PIK3R6: variants seen among roughly 807,000 people sequenced by gnomAD.
PIK3R6 encodes phosphoinositide-3-kinase regulatory subunit 6, also known as phosphoinositide 3-kinase regulatory subunit 6.
Under a neutral mutation model 84.9 loss-of-function variants are expected in PIK3R6, and 91 were observed. The observed-to-expected ratio is 1.07, with a 90% CI of 0.90 to 1.28. PIK3R6 has a LOEUF of 1.28. Among genes scored for constraint, PIK3R6 ranks in the 50% most tolerant of loss-of-function variants. The probability of loss-of-function intolerance (pLI) is 0.00; values close to 1 mark genes in which losing one functional copy is unlikely to be tolerated. For missense variants in PIK3R6, 996 were observed against 985.1 expected (o/e 1.01, Z -0.15); for synonymous variants, 416 against 411.4 (o/e 1.01, Z -0.13).
At chr17:8,826,386 A>C (rs961586712) in intron 13 of PIK3R6, among the ~76,000 whole-genome samples, 11 of 152,250 alleles carry the variant, frequency 7.2e-5, no homozygotes, top group African/African-American at 2.7e-4. Context: ...CCAAATGCCC[A>C]TCAATGATAG....
chr17:8,825,327 T>C (rs1430661645), intron 13 of PIK3R6, among the ~76,000 whole-genome samples: 2 of 152,228 alleles, frequency 1.3e-5, no homozygotes, highest in East Asian at 1.9e-4. Context: ...CTTGAAATTC[T>C]AAAGTTTATC....
rs993039910 is a variant in PIK3R6, at chr17:8,836,999, CG to C, written c.259-77del. Reference sequence around the variant, plus strand: ...GGGAGGAGGGGGAGGTGAAGGGTCCCGGGGGAGTTTCCGGGGAGGGGCTTGG... The same window carrying C: ...GGGAGGAGGGGGAGGTGAAGGGTCCCGGGGAGTTTCCGGGGAGGGGCTTGG... On this transcript the variant is annotated intron_variant, in intron 5 of 19. Coordinates refer to ENST00000619866, the MANE Select transcript of PIK3R6 (RefSeq NM_001010855.4). 22 of 708,390 alleles carry C rather than the reference CG, an allele frequency of 3.1e-5. No individual in the cohort carries two copies. The African/African-American group carries it at 3.5e-4, about 11-fold the overall frequency. 43.9% of individuals were successfully genotyped at this position (708,390 alleles called of 1,614,324 possible). A position where few individuals can be genotyped will look rare whatever the true frequency, so the allele number is the denominator to read the frequency against.
Position 8,839,794 on chromosome 17 carries a change from A to G in PIK3R6, c.14-97T>C. ...GAGAGTGTCTTTAGCCATTTCTCTG[A>G]GCCTCAGGAGGTGCCCGAAGTAATC... On this transcript the variant is annotated intron_variant, in intron 2 of 19. Coordinates refer to ENST00000619866, the MANE Select transcript of PIK3R6 (RefSeq NM_001010855.4). This position sits in a 1 kb window ranked among gnomAD's most constrained non-coding sequence, Gnocchi z 4.2. The G allele has an allele frequency of 9.1e-7, 1 of 1,094,530 alleles. No homozygotes were observed. The highest frequency in any genetic ancestry group is 1.3e-6 in the Non-Finnish European group (1 of 768,360). The allele number at this position is 1,094,530 out of a possible 1,614,324, so 67.8% of individuals were successfully genotyped here.
At chr17:8,819,937 A>ATTTT (rs1157487501) in intron 17 of PIK3R6, among the ~76,000 whole-genome samples, 33 of 86,228 alleles carry the variant, frequency 3.8e-4, no homozygotes, top group African/African-American at 1.5e-3. Context: ...ATATATATAT[A>ATTTT]TTTTTATATA....
intron 2 of PIK3R6, among the ~76,000 whole-genome samples, chr17:8,846,591 G>T (rs1161484314): frequency 6.6e-6 from 1 of 152,110 alleles, no homozygotes; most frequent in Non-Finnish European, 1.5e-5. Flanking sequence ...TCCAATCCGT[G>T]ACCATTGGAA....
intron 1 of PIK3R6, among the ~76,000 whole-genome samples, chr17:8,859,176 G>A (rs2089212931): frequency 6.6e-6 from 1 of 152,182 alleles, no homozygotes; most frequent in African/African-American, 2.4e-5. Context: ...TGAGTTCCTG[G>A]CAGTGTTTTG....
At chr17:8,832,421 C>T (rs1237537949) in intron 9 of PIK3R6, among the ~76,000 whole-genome samples, 3 of 124,182 alleles carry the variant, frequency 2.4e-5, no homozygotes, top group East Asian at 5.3e-4. Flanking sequence ...CTCGCTCTGT[C>T]GCCCAGGCTG....
At chr17:8,825,854 A>G (rs564272569) in intron 13 of PIK3R6, among the ~76,000 whole-genome samples, 29 of 152,264 alleles carry the variant, frequency 1.9e-4, no homozygotes, top group Non-Finnish European at 5.9e-5. Context: ...AACTTCTGCA[A>G]GTCAAAAAGT....
At chr17:8,814,508 G>A (rs900799529) in intron 18 of PIK3R6, among the ~76,000 whole-genome samples, 3 of 151,770 alleles carry the variant, frequency 2.0e-5, no homozygotes, top group Admixed American at 2.0e-4. Flanking sequence ...ATGAGCCACC[G>A]TGCCCAGTCA....
At chr17:8,853,509 T>A (rs1386574118) in intron 1 of PIK3R6, among the ~76,000 whole-genome samples, 11 of 144,944 alleles carry the variant, frequency 7.6e-5, no homozygotes, top group Admixed American at 1.4e-4. Context: ...ATAATAATAA[T>A]AATAATAAAA....
At position 8,803,606 on chromosome 17, in the gene PIK3R6, GGT is replaced by G. The variant is rs1597369244; in HGVS notation, c.2109-179_2109-178del. ...ACAAGAAAGAAAAACCTGGGCCTGG[GGT>G]TCACCGGGAGAGGAGACACTTGGAG... is the stretch of plus-strand genomic sequence containing the variant. On this transcript the variant is annotated intron_variant, in intron 19 of 19. Coordinates refer to ENST00000619866, the MANE Select transcript of PIK3R6 (RefSeq NM_001010855.4). The surrounding 1 kb of genome is among the most constrained non-coding windows in gnomAD (Gnocchi z 5.0). 1 of 632,542 alleles carries G rather than the reference GGT, an allele frequency of 1.6e-6. No individual in the cohort carries two copies. Among genetic ancestry groups the G allele is most frequent in the East Asian group, 2.9e-5 (1 of 33,988 alleles). The allele number at this position is 632,542 out of a possible 1,614,324, so 39.2% of individuals were successfully genotyped here.
chr17:8,855,324 A>G (rs2089107041), intron 1 of PIK3R6, among the ~76,000 whole-genome samples: 1 of 152,044 alleles, frequency 6.6e-6, no homozygotes, highest in Admixed American at 6.5e-5. Context: ...AAGAAAAAAA[A>G]AAGAAAACTA....
At chr17:8,845,066 T>A (rs1340189003) in intron 2 of PIK3R6, among the ~76,000 whole-genome samples, 2 of 152,242 alleles carry the variant, frequency 1.3e-5, no homozygotes, top group Non-Finnish European at 2.9e-5. Context: ...CTTTATCCAG[T>A]CTGTTGTTGA....
chr17:8,864,328 G>A (rs1003741659), intron 1 of PIK3R6, among the ~76,000 whole-genome samples: 1 of 151,928 alleles, frequency 6.6e-6, no homozygotes, highest in Non-Finnish European at 1.5e-5. Context: ...GGCGCCCCTA[G>A]GACTTAGGGG....
At chr17:8,821,288 T>C (rs2087722067) in intron 17 of PIK3R6, among the ~76,000 whole-genome samples, 1 of 152,186 alleles carries the variant, frequency 6.6e-6, no homozygotes, top group Non-Finnish European at 1.5e-5. Context: ...TGTTATTCTC[T>C]TTCCTTCCAT....
intron 8 of PIK3R6, among the ~76,000 whole-genome samples, chr17:8,833,412 C>T (rs2088330851): frequency 6.6e-6 from 1 of 151,976 alleles, no homozygotes; most frequent in South Asian, 2.1e-4. Context: ...GGAATTTTGT[C>T]TGTTTCATTC....
At chr17:8,812,122 C>T (rs1042246140) in intron 18 of PIK3R6, among the ~76,000 whole-genome samples, 1 of 152,170 alleles carries the variant, frequency 6.6e-6, no homozygotes, top group Non-Finnish European at 1.5e-5. Context: ...TGCAGGGAAA[C>T]TCCTTCTTAT....
chr17:8,866,431 A>T (rs1228872245), intron 1 of PIK3R6, among the ~76,000 whole-genome samples: 1 of 152,140 alleles, frequency 6.6e-6, no homozygotes, highest in Non-Finnish European at 1.5e-5. Flanking sequence ...AGTCCCAGCT[A>T]CTTGGGAGGC....
chr17:8,860,172 T>C (rs542696804), intron 1 of PIK3R6, among the ~76,000 whole-genome samples: 1 of 152,080 alleles, frequency 6.6e-6, no homozygotes, highest in African/African-American at 2.4e-5. Flanking sequence ...GGCCCAAGGG[T>C]CCCCAAACCC....
Sources: gnomAD v4.1 joint callset for allele counts (sites outside exome capture counted in the v4.1 genomes callset) on GRCh38, gnomAD v4.1.1 for gene constraint, Gnocchi (gnomAD v3.1) non-coding constraint, MANE v1.5 for transcripts, NCBI Gene and HGNC (gene_info 2026-07-23, HGNC 2026-07-21) for gene names.